The following CACNA1C variants were observed in gnomAD, a reference collection of about 807,000 sequenced individuals.
CACNA1C encodes the protein voltage-dependent L-type calcium channel subunit alpha-1C.
CACNA1C carries 30 observed loss-of-function variants against 229.0 expected under a neutral mutation model. That is an observed-to-expected ratio of 0.13 (90% CI 0.10 to 0.18). The LOEUF (loss-of-function observed/expected upper bound fraction) is 0.18. CACNA1C is among the 10% of genes least tolerant of loss of function. CACNA1C has a pLI of 1.00. For synonymous variants in CACNA1C, 1,114 were observed against 1,132.5 expected, an observed-to-expected ratio of 0.98 and a Z score of 0.33; for missense variants, 1,658 against 2,845.0, an observed-to-expected ratio of 0.58 and a Z score of 9.49.
intron 3 of CACNA1C, among the ~76,000 whole-genome samples, chr12:2,178,845 C>T (rs1052111469): frequency 1.1e-4 from 16 of 151,936 alleles, no homozygotes; most frequent in East Asian, 1.9e-4. Flanking sequence ...GCAGATCACC[C>T]GAGGTCAGGA....
chr12:2,517,224 G>GC (rs1358552579), intron 9 of CACNA1C, among the ~76,000 whole-genome samples: 1 of 152,236 alleles, frequency 6.6e-6, no homozygotes, highest in Admixed American at 6.5e-5. Context: ...CATGCCTCCT[G>GC]CAATGGCATG....
At chr12:2,444,400 A>G (rs576605528) in intron 3 of CACNA1C, among the ~76,000 whole-genome samples, 7 of 152,078 alleles carry the variant, frequency 4.6e-5, no homozygotes, top group Non-Finnish European at 8.8e-5. Context: ...AATTCGCATA[A>G]TGTGAAGGGA....
chr12:2,250,554 G>T (rs985838562), intron 3 of CACNA1C, among the ~76,000 whole-genome samples: 1 of 152,178 alleles, frequency 6.6e-6, no homozygotes, highest in Non-Finnish European at 1.5e-5. Flanking sequence ...GATGGCCTAC[G>T]CTGTAGCTGA....
At chr12:2,175,890 A>C (rs748201447) in intron 3 of CACNA1C, among the ~76,000 whole-genome samples, 2 of 152,178 alleles carry the variant, frequency 1.3e-5, no homozygotes, top group Non-Finnish European at 2.9e-5. Context: ...TAATTGATTA[A>C]ACAAGTATTT....
intron 3 of CACNA1C, among the ~76,000 whole-genome samples, chr12:2,228,247 T>C (rs562010833): frequency 1.2e-4 from 19 of 152,324 alleles, no homozygotes; most frequent in African/African-American, 3.1e-4. Flanking sequence ...TCAACCAACA[T>C]TTATTGAGTG....
chr12:1,993,627 G>GGTGTGTGTGTGTGT (rs150056084), intron 1 of CACNA1C, among the ~76,000 whole-genome samples: 2,566 of 146,626 alleles, frequency 0.018, 25 homozygotes, highest in African/African-American at 0.033. Context: ...CTTCATTTGT[G>GGTGTGTGTGTGTGT]GTGTGTGTGT....
upstream of CACNA1C, among the ~76,000 whole-genome samples, chr12:2,049,618 A>G: frequency 6.6e-6 from 1 of 152,230 alleles, no homozygotes; most frequent in East Asian, 1.9e-4. Context: ...CTTCTTGAAG[A>G]CACCTAAAAT....
At chr12:2,205,546 T>G (rs1474533486) in intron 3 of CACNA1C, among the ~76,000 whole-genome samples, 1 of 152,212 alleles carries the variant, frequency 6.6e-6, no homozygotes, top group African/African-American at 2.4e-5. Flanking sequence ...ATATGTTTAT[T>G]ATCTGTCACC....
rs1350819803 is a variant in CACNA1C, at chr12:2,540,356, G to A, written c.1391-9587G>A. On this transcript the variant is annotated intron_variant, in intron 9 of 46. Coordinates refer to ENST00000399655, the MANE Select transcript of CACNA1C (RefSeq NM_000719.7). ...TTTACTTAAAATTCTCACCGACTCC[G>A]GAGTCACAGGAGCTCAGAAGAGGAG... Among the ~76,000 whole-genome samples the A allele has an allele frequency of 3.3e-5, 5 of 152,062 alleles. No individual in the cohort carries two copies. In the East Asian group the frequency reaches 5.8e-4, roughly 18 times the overall value.
intron 29 of CACNA1C, among the ~76,000 whole-genome samples, chr12:2,628,652 A>G (rs538774114): frequency 6.6e-6 from 1 of 152,284 alleles, no homozygotes; most frequent in African/African-American, 2.4e-5. Flanking sequence ...CACACCTGTA[A>G]TCCTAACACT....
intron 1 of CACNA1C, among the ~76,000 whole-genome samples, chr12:2,065,150 A>G (rs1031088736): frequency 6.6e-6 from 1 of 152,214 alleles, no homozygotes; most frequent in East Asian, 1.9e-4. Context: ...CTGTTGCCAT[A>G]TCTGGCTGCC....
rs2096914889 is a variant in CACNA1C, at chr12:2,343,297, C to T, written c.478-105679C>T. ...GGAGACAGTGTTTGAGATTTAGTGCCTGGGTTTTGTGGCCTCTCTCTATTT... is the reference window on the plus strand; with the variant it reads ...GGAGACAGTGTTTGAGATTTAGTGCTTGGGTTTTGTGGCCTCTCTCTATTT... On this transcript the variant is annotated intron_variant, in intron 3 of 46. Coordinates refer to ENST00000399655, the MANE Select transcript of CACNA1C (RefSeq NM_000719.7). Among the ~76,000 whole-genome samples, 7 of 152,178 alleles carry T rather than the reference C, an allele frequency of 4.6e-5. 1 individual carries two copies. Among genetic ancestry groups the T allele is most frequent in the Admixed American group, 4.6e-4 (7 of 15,278 alleles).
At chr12:2,071,172 C>CCCTCCCTCCCTT (rs1555115765) in intron 1 of CACNA1C, among the ~76,000 whole-genome samples, 1 of 16,042 alleles carries the variant, frequency 6.2e-5, no homozygotes, top group Non-Finnish European at 1.2e-4. Flanking sequence ...CTCCCTCCCT[C>CCCTCCCTCCCTT]CCTGCCTGCC....
At chr12:2,418,023 C>T (rs2098932635) in intron 3 of CACNA1C, among the ~76,000 whole-genome samples, 1 of 152,138 alleles carries the variant, frequency 6.6e-6, no homozygotes, top group Admixed American at 6.5e-5. Flanking sequence ...GGGCTTACAT[C>T]AAGCAGAGGA....
chr12:2,494,315 T>C (rs1344444187), intron 7 of CACNA1C, among the ~76,000 whole-genome samples: 4 of 152,248 alleles, frequency 2.6e-5, no homozygotes, highest in Non-Finnish European at 5.9e-5. Flanking sequence ...CCACACTCCA[T>C]ATTTGAGCTG....
rs1378182643 is a variant in CACNA1C at position 2,605,072 on chromosome 12, C to G, written c.2961-9C>G. On this transcript the variant is annotated splice_polypyrimidine_tract_variant and intron_variant, in intron 22 of 46. Transcript: ENST00000399655. This position sits in a 1 kb window ranked among gnomAD's most constrained non-coding sequence, Gnocchi z 6.2. ...GGAGCTTACTACCCTGCCTGTTTCCCTCTCCCAGGTCCAGTGCAATCAATG... is the reference window on the plus strand; with the variant it reads ...GGAGCTTACTACCCTGCCTGTTTCCGTCTCCCAGGTCCAGTGCAATCAATG... The G allele has an allele frequency of 6.2e-7, 1 of 1,611,066 alleles. No homozygotes were observed. Among genetic ancestry groups the G allele is most frequent in the Non-Finnish European group, 8.5e-7 (1 of 1,177,222 alleles).
intron 3 of CACNA1C, among the ~76,000 whole-genome samples, chr12:2,196,161 G>A (rs2097396775): frequency 6.6e-6 from 1 of 152,184 alleles, no homozygotes; most frequent in Non-Finnish European, 1.5e-5. Flanking sequence ...TACTTAAAGT[G>A]GATGGGGCAG....
rs779421428 is a variant in CACNA1C, at chr12:2,160,790, G to A, written c.477+40360G>A. 1.1e-4 allele frequency among the ~76,000 whole-genome samples: 17 copies of A among 152,116 alleles called. No individual in the cohort carries two copies. The South Asian group carries it at 1.2e-3, about 11-fold the overall frequency. The stretch of plus-strand genomic sequence containing the variant: ...CTTTGCTTTCCAGTGAAAGAGTATC[G>A]ATTTGGTATGGTAGCTCTGGTTATT... On this transcript the variant is annotated intron_variant, in intron 3 of 46. Transcript: ENST00000399655.
chr12:1,997,882 G>A (rs1282638463), intron 1 of CACNA1C: 31 of 1,418,716 alleles, frequency 2.2e-5, no homozygotes, highest in Non-Finnish European at 2.9e-5. Flanking sequence ...ACACAACGGA[G>A]CTAAAATATT....
Sources: gnomAD v4.1 joint callset for allele counts (sites outside exome capture counted in the v4.1 genomes callset) on GRCh38, gnomAD v4.1.1 for gene constraint, Gnocchi (gnomAD v3.1) non-coding constraint, MANE v1.5 for transcripts, NCBI Gene and HGNC (gene_info 2026-07-23, HGNC 2026-07-21) for gene names.